NR3C2: variants seen among roughly 807,000 people sequenced by gnomAD.
NR3C2 encodes mineralocorticoid receptor.
Under a neutral mutation model 86.4 loss-of-function variants are expected in NR3C2, and 15 were observed. The observed-to-expected ratio is 0.17, with a 90% CI of 0.12 to 0.27. NR3C2 has a LOEUF of 0.27. Ranked by LOEUF, NR3C2 falls within the 10% of genes least tolerant of loss-of-function variation. The pLI is 1.00. For synonymous variants in NR3C2, 458 were observed against 450.5 expected (o/e 1.02, Z -0.21); for missense variants, 960 against 1,195.6 (o/e 0.80, Z 2.91).
At chr4:148,390,118 T>C (rs1360241259) in intron 2 of NR3C2, among the ~76,000 whole-genome samples, 2 of 143,022 alleles carry the variant, frequency 1.4e-5, no homozygotes. Context: ...CCTTCAAGTA[T>C]ACATTCCTTA....
At chr4:148,358,111 C>T (rs1015787953) in intron 2 of NR3C2, among the ~76,000 whole-genome samples, 85 of 152,066 alleles carry the variant, frequency 5.6e-4, no homozygotes, top group African/African-American at 2.0e-3. Context: ...CCCAGCCATC[C>T]CATTACTGGG....
chr4:148,360,100 A>G (rs1343159788), intron 2 of NR3C2, among the ~76,000 whole-genome samples: 1 of 152,236 alleles, frequency 6.6e-6, no homozygotes, highest in Non-Finnish European at 1.5e-5. Context: ...CTGCTCAAGT[A>G]CAAAAACATA....
chr4:148,154,015 T>A lies in NR3C2; in HGVS notation c.2365+536A>T, dbSNP rs1340534264. Among the ~76,000 whole-genome samples the A allele has an allele frequency of 3.2e-5, 3 of 93,796 alleles. No homozygotes were observed. The South Asian group carries it at 1.0e-3, about 31-fold the overall frequency. 61.5% of individuals were successfully genotyped at this position (93,796 alleles called of 152,430 possible). A position where few individuals can be genotyped will look rare whatever the true frequency, so the allele number is the denominator to read the frequency against. ...TGTCATTTTTTTTATTTTTAATTTCTTTTTTTTTTTTGAGACAGAGTCTCA... is the reference window on the plus strand; with the variant it reads ...TGTCATTTTTTTTATTTTTAATTTCATTTTTTTTTTTGAGACAGAGTCTCA... On this transcript the variant is annotated intron_variant, in intron 5 of 8. Coordinates refer to ENST00000358102, the MANE Select transcript of NR3C2 (RefSeq NM_000901.5).
chr4:148,227,756 T>G (rs1463644300), intron 3 of NR3C2, among the ~76,000 whole-genome samples: 1 of 152,224 alleles, frequency 6.6e-6, no homozygotes, highest in Non-Finnish European at 1.5e-5. Flanking sequence ...TTTATTTTGT[T>G]GTTCAAGGTA....
chr4:148,086,659 T>C (rs1017483259), intron 8 of NR3C2, among the ~76,000 whole-genome samples: 2 of 152,166 alleles, frequency 1.3e-5, no homozygotes, highest in Admixed American at 6.5e-5. Flanking sequence ...GGAGAATTGA[T>C]AGAACCTGAG....
intron 2 of NR3C2, among the ~76,000 whole-genome samples, chr4:148,430,734 A>C (rs1749763982): frequency 1.3e-5 from 2 of 152,216 alleles, no homozygotes; most frequent in East Asian, 3.9e-4. Context: ...ACATGGAAAT[A>C]TTTCCTTCTC....
intron 2 of NR3C2, among the ~76,000 whole-genome samples, chr4:148,432,407 C>T (rs1333906737): frequency 6.6e-6 from 1 of 152,046 alleles, no homozygotes; most frequent in Non-Finnish European, 1.5e-5. Context: ...GAATCTGAAA[C>T]AACATCAGTG....
chr4:148,438,482 G>A (rs1365845487), intron 1 of NR3C2, among the ~76,000 whole-genome samples: 1 of 151,296 alleles, frequency 6.6e-6, no homozygotes, highest in Non-Finnish European at 1.5e-5. Flanking sequence ...ACAATCTATG[G>A]CCCAAAAAAA....
At chr4:148,267,319 T>C (rs1459088249) in intron 2 of NR3C2, among the ~76,000 whole-genome samples, 1 of 151,752 alleles carries the variant, frequency 6.6e-6, no homozygotes, top group Non-Finnish European at 1.5e-5. Context: ...AAGGTCTTGC[T>C]CTGTTGCCCA....
chr4:148,184,419 T>G (rs1426928063), intron 4 of NR3C2, among the ~76,000 whole-genome samples: 4 of 150,928 alleles, frequency 2.7e-5, no homozygotes, highest in Admixed American at 2.6e-4. Context: ...GCCATTGCAC[T>G]CCAGCCTGGG....
chr4:148,261,398 T>C (rs556298732), intron 2 of NR3C2, among the ~76,000 whole-genome samples: 4 of 151,054 alleles, frequency 2.6e-5, no homozygotes, highest in African/African-American at 9.9e-5. Flanking sequence ...TGGTGCGCTA[T>C]GGTCAGTGCT....
chr4:148,350,360 T>C (rs998477855), intron 2 of NR3C2, among the ~76,000 whole-genome samples: 7 of 152,186 alleles, frequency 4.6e-5, no homozygotes, highest in African/African-American at 1.4e-4. Flanking sequence ...GGGAATGCTA[T>C]TCATAACATG....
intron 5 of NR3C2, 31 bp from the exon 6 acceptor site, chr4:148,152,644 A>G: frequency 9.3e-6 from 15 of 1,611,028 alleles, no homozygotes; most frequent in Non-Finnish European, 1.3e-5. Flanking sequence ...TCACAGAAAT[A>G]CACTTAGCAT....
intron 2 of NR3C2, among the ~76,000 whole-genome samples, chr4:148,371,744 AC>A (rs374186681): frequency 6.6e-6 from 1 of 152,142 alleles, no homozygotes; most frequent in African/African-American, 2.4e-5. Flanking sequence ...ATCCTCACTA[AC>A]CTGAGAGACA....
chr4:148,124,713 T>G (rs7693171), intron 6 of NR3C2, among the ~76,000 whole-genome samples: 74,724 of 152,026 alleles, frequency 0.49, 18,894 homozygotes, highest in East Asian at 0.71. Flanking sequence ...TTAAACTCCA[T>G]TTAGCAGTAT....
At chr4:148,220,980 G>A (rs1560985219) in intron 3 of NR3C2, among the ~76,000 whole-genome samples, 1 of 152,196 alleles carries the variant, frequency 6.6e-6, no homozygotes, top group Non-Finnish European at 1.5e-5. Flanking sequence ...GCCATCACAT[G>A]CTAAGAGGAG....
chr4:148,185,103 A>G (rs1735831901), intron 4 of NR3C2, among the ~76,000 whole-genome samples: 3 of 152,244 alleles, frequency 2.0e-5, no homozygotes, highest in African/African-American at 4.8e-5. Context: ...ACACACACTC[A>G]GTAATCGCTT....
intron 3 of NR3C2, among the ~76,000 whole-genome samples, chr4:148,248,119 G>A (rs944593354): frequency 2.0e-5 from 3 of 152,114 alleles, no homozygotes; most frequent in Non-Finnish European, 4.4e-5. Context: ...CTGAAAGGGA[G>A]GTTGAAGAGA....
intron 2 of NR3C2, among the ~76,000 whole-genome samples, chr4:148,369,952 C>T (rs998778194): frequency 1.3e-5 from 2 of 152,202 alleles, no homozygotes; most frequent in African/African-American, 2.4e-5. Context: ...GAACCAAGTG[C>T]CACCTTTTTA....
Sources: gnomAD v4.1 joint callset for allele counts (sites outside exome capture counted in the v4.1 genomes callset) on GRCh38, gnomAD v4.1.1 for gene constraint, MANE v1.5 for transcripts, NCBI Gene and HGNC (gene_info 2026-07-23, HGNC 2026-07-21) for gene names.